The following RCAN2 variants were observed in gnomAD, a reference collection of about 807,000 sequenced individuals.
The protein encoded by RCAN2 is calcipressin-2.
RCAN2 carries 9 observed loss-of-function variants against 23.6 expected under a neutral mutation model. The observed-to-expected ratio is 0.38, with a 90% CI of 0.23 to 0.67. The LOEUF (loss-of-function observed/expected upper bound fraction) is 0.67, where lower values mean the gene tolerates loss of function less well. RCAN2 is among the 30% of genes least tolerant of loss of function. The pLI is 0.51. For missense variants in RCAN2, 273 were observed against 302.3 expected, an observed-to-expected ratio of 0.90 and a Z score of 0.72; for synonymous variants, 109 against 115.7, an observed-to-expected ratio of 0.94 and a Z score of 0.37.
chr6:46,294,447 A>G (rs1036498341), intron 2 of RCAN2, among the ~76,000 whole-genome samples: 19 of 152,178 alleles, frequency 1.2e-4, no homozygotes, highest in African/African-American at 4.6e-4. Flanking sequence ...TTAACCAAAT[A>G]ATTTCATTTC....
At chr6:46,422,242 G>A (rs1270235346) in intron 2 of RCAN2, among the ~76,000 whole-genome samples, 5 of 152,198 alleles carry the variant, frequency 3.3e-5, no homozygotes, top group African/African-American at 7.2e-5. Context: ...GCACCTCCCC[G>A]GCCCAGCCCT....
intron 1 of RCAN2, among the ~76,000 whole-genome samples, chr6:46,466,726 T>C (rs921252316): frequency 6.6e-6 from 1 of 152,172 alleles, no homozygotes; most frequent in Non-Finnish European, 1.5e-5. Flanking sequence ...ACAGACTTCC[T>C]ATCTAGACTT....
intron 2 of RCAN2, among the ~76,000 whole-genome samples, chr6:46,434,033 C>T (rs1345484074): frequency 6.6e-6 from 1 of 152,198 alleles, no homozygotes; most frequent in East Asian, 1.9e-4. Flanking sequence ...ACAAGACTTT[C>T]ATGTGATTTG....
At chr6:46,230,755 G>A (rs1385792293) in intron 4 of RCAN2, among the ~76,000 whole-genome samples, 2 of 152,032 alleles carry the variant, frequency 1.3e-5, no homozygotes, top group Non-Finnish European at 2.9e-5. Flanking sequence ...CCTGCTCTGT[G>A]GGCTGCACCC....
At chr6:46,330,365 C>T (rs1763927843) in intron 2 of RCAN2, among the ~76,000 whole-genome samples, 1 of 152,204 alleles carries the variant, frequency 6.6e-6, no homozygotes, top group African/African-American at 2.4e-5. Context: ...CTGAAAACCA[C>T]AGCTCCACGT....
intron 2 of RCAN2, among the ~76,000 whole-genome samples, chr6:46,430,648 G>A (rs1767169774): frequency 6.6e-6 from 1 of 152,198 alleles, no homozygotes; most frequent in Non-Finnish European, 1.5e-5. Context: ...CATCGGGAAT[G>A]TGGATTTTCC....
At chr6:46,463,722 C>A (rs1208518548) in intron 1 of RCAN2, among the ~76,000 whole-genome samples, 1 of 152,132 alleles carries the variant, frequency 6.6e-6, no homozygotes, top group Non-Finnish European at 1.5e-5. Context: ...TCATAAATAA[C>A]CTGTCTCTAT....
intron 2 of RCAN2, among the ~76,000 whole-genome samples, chr6:46,306,856 C>G (rs1048895682): frequency 2.6e-5 from 4 of 152,034 alleles, no homozygotes; most frequent in African/African-American, 7.2e-5. Context: ...CTTTTTTTCT[C>G]TTTAGTATAT....
intron 2 of RCAN2, among the ~76,000 whole-genome samples, chr6:46,429,560 A>C (rs374869205): frequency 8.5e-5 from 13 of 152,336 alleles, no homozygotes; most frequent in Admixed American, 2.0e-4. Context: ...AATAGGTTCC[A>C]TATGAAACGT....
intron 2 of RCAN2, among the ~76,000 whole-genome samples, chr6:46,381,433 CAT>C (rs778320409): frequency 1.3e-5 from 2 of 152,148 alleles, no homozygotes; most frequent in South Asian, 4.1e-4. Flanking sequence ...ACTGAGGACA[CAT>C]GTGACAATAT....
At chr6:46,304,363 A>C (rs547937481) in intron 2 of RCAN2, among the ~76,000 whole-genome samples, 192 of 152,198 alleles carry the variant, frequency 1.3e-3, no homozygotes, top group Middle Eastern at 3.4e-3. Flanking sequence ...CTTCTTCCAG[A>C]CTGTAGCTTT....
At chr6:46,479,583 C>T (rs1486862685) in intron 1 of RCAN2, among the ~76,000 whole-genome samples, 20 of 89,248 alleles carry the variant, frequency 2.2e-4, no homozygotes, top group Non-Finnish European at 3.9e-4. Flanking sequence ...TCTGTCTCAC[C>T]TTTTTTTTTT....
chr6:46,335,944 C>T (rs1764126399), intron 2 of RCAN2, among the ~76,000 whole-genome samples: 1 of 152,138 alleles, frequency 6.6e-6, no homozygotes, highest in Admixed American at 6.5e-5. Context: ...ACCATAGGCC[C>T]CATTTAGAGA....
chr6:46,477,765 T>G (rs1002020147), intron 1 of RCAN2, among the ~76,000 whole-genome samples: 1 of 152,154 alleles, frequency 6.6e-6, no homozygotes, highest in Non-Finnish European at 1.5e-5. Flanking sequence ...CCGGCAAGGA[T>G]GTAAGACACA....
At chr6:46,427,424 C>A (rs985274829) in intron 2 of RCAN2, among the ~76,000 whole-genome samples, 15 of 152,118 alleles carry the variant, frequency 9.9e-5, no homozygotes, top group Middle Eastern at 3.2e-3. Context: ...TAGTACCTTT[C>A]CCATTGCATA....
intron 2 of RCAN2, among the ~76,000 whole-genome samples, chr6:46,269,438 C>T (rs748595251): frequency 2.6e-5 from 4 of 152,288 alleles, no homozygotes; most frequent in East Asian, 3.9e-4. Context: ...AATCTTTCTG[C>T]GAATATTAAA....
At chr6:46,247,608 C>T (rs1294044017) in intron 3 of RCAN2, among the ~76,000 whole-genome samples, 2 of 152,152 alleles carry the variant, frequency 1.3e-5, no homozygotes, top group African/African-American at 2.4e-5. Context: ...GAATATGTGA[C>T]CTTTTGTGTC....
intron 2 of RCAN2, among the ~76,000 whole-genome samples, chr6:46,344,497 CA>C (rs1405924550): frequency 1.7e-5 from 2 of 119,500 alleles, no homozygotes; most frequent in Non-Finnish European, 4.0e-5. Flanking sequence ...TTATTAAAAG[CA>C]AAAAAATGAA....
At chr6:46,346,939 G>A (rs554064866) in intron 2 of RCAN2, among the ~76,000 whole-genome samples, 2 of 152,058 alleles carry the variant, frequency 1.3e-5, no homozygotes, top group Non-Finnish European at 2.9e-5. Context: ...GCAGTGGCGT[G>A]ATCTCCGCTC....
Sources: allele counts gnomAD v4.1 joint callset (sites outside exome capture counted in the v4.1 genomes callset), GRCh38; gene constraint gnomAD v4.1.1; transcripts MANE v1.5; gene names NCBI Gene and HGNC (gene_info 2026-07-23, HGNC 2026-07-21).